PTPRD: variants seen among roughly 807,000 people sequenced by gnomAD.
PTPRD encodes protein tyrosine phosphatase receptor type D.
A neutral mutation model predicts 214.5 loss-of-function variants in PTPRD; 34 were observed. The ratio of observed to expected loss-of-function variants is 0.16; its 90% CI spans 0.12 to 0.21. The LOEUF (loss-of-function observed/expected upper bound fraction) is 0.21, where lower values mean the gene tolerates loss of function less well. Ranked by LOEUF, PTPRD falls within the 10% of genes least tolerant of loss-of-function variation. The probability of loss-of-function intolerance (pLI) is 1.00; values close to 1 mark genes in which losing one functional copy is unlikely to be tolerated. For missense variants in PTPRD, 2,545 were observed against 2,398.7 expected (o/e 1.06, Z -1.27); for synonymous variants, 1,128 against 845.7 (o/e 1.33, Z -5.79).
At chr9:8,944,337 G>C (rs1157319023) in intron 11 of PTPRD, among the ~76,000 whole-genome samples, 1 of 152,092 alleles carries the variant, frequency 6.6e-6, no homozygotes, top group African/African-American at 2.4e-5. Flanking sequence ...AGGGACAACA[G>C]TATGGAGATT....
intron 3 of PTPRD, among the ~76,000 whole-genome samples, chr9:10,281,598 A>T (rs971529778): frequency 6.6e-6 from 1 of 152,180 alleles, no homozygotes; most frequent in African/African-American, 2.4e-5. Context: ...TGTAATCCCA[A>T]TTGAATTTTA....
intron 3 of PTPRD, among the ~76,000 whole-genome samples, chr9:10,141,840 G>A (rs1352266128): frequency 6.6e-6 from 1 of 152,072 alleles, no homozygotes; most frequent in Non-Finnish European, 1.5e-5. Context: ...CACACTACCT[G>A]ACTTCAAACT....
chr9:9,482,962 T>C (rs2095481627), intron 8 of PTPRD, among the ~76,000 whole-genome samples: 1 of 152,172 alleles, frequency 6.6e-6, no homozygotes, highest in Non-Finnish European at 1.5e-5. Context: ...GCCAGTAAAA[T>C]TATTGGCAAA....
intron 4 of PTPRD, among the ~76,000 whole-genome samples, chr9:9,972,386 G>T (rs1197537727): frequency 6.6e-6 from 1 of 152,060 alleles, no homozygotes; most frequent in African/African-American, 2.4e-5. Flanking sequence ...TTCTGTTTCG[G>T]TAACTGTCAT....
At chr9:8,448,088 G>A (rs976525567) in intron 34 of PTPRD, among the ~76,000 whole-genome samples, 4 of 152,076 alleles carry the variant, frequency 2.6e-5, no homozygotes, top group South Asian at 2.1e-4. Flanking sequence ...CCTTTGGGAG[G>A]CTGAGGCAGG....
At chr9:9,113,246 A>G (rs923215351) in intron 10 of PTPRD, among the ~76,000 whole-genome samples, 1 of 152,084 alleles carries the variant, frequency 6.6e-6, no homozygotes, top group African/African-American at 2.4e-5. Flanking sequence ...AGGTGCTACA[A>G]TTACAAGTGT....
At chr9:8,731,834 T>C (rs1598250822) in intron 12 of PTPRD, among the ~76,000 whole-genome samples, 1 of 152,332 alleles carries the variant, frequency 6.6e-6, no homozygotes, top group Non-Finnish European at 1.5e-5. Flanking sequence ...AAGGAAAATA[T>C]ACTACATGGA....
intron 12 of PTPRD, among the ~76,000 whole-genome samples, chr9:8,699,203 A>C (rs1725776854): frequency 6.6e-6 from 1 of 152,182 alleles, no homozygotes; most frequent in South Asian, 2.1e-4. Flanking sequence ...TCTTTATGAA[A>C]TCTATCAGTT....
intron 14 of PTPRD, among the ~76,000 whole-genome samples, chr9:8,564,471 G>A (rs762546822): frequency 6.6e-6 from 1 of 152,078 alleles, no homozygotes; most frequent in South Asian, 2.1e-4. Flanking sequence ...AGCTGGAGGC[G>A]GGCGGATCAC....
chr9:9,913,432 GA>G (rs2079788438), intron 5 of PTPRD, among the ~76,000 whole-genome samples: 1 of 152,142 alleles, frequency 6.6e-6, no homozygotes, highest in Non-Finnish European at 1.5e-5. Context: ...ATCTCATCAA[GA>G]TGGCTGACTA....
At chr9:9,056,534 T>C (rs376511649) in intron 10 of PTPRD, among the ~76,000 whole-genome samples, 5 of 152,218 alleles carry the variant, frequency 3.3e-5, no homozygotes, top group African/African-American at 1.2e-4. Flanking sequence ...CAGTTTCTTC[T>C]TAATGTGGAT....
intron 6 of PTPRD, 149 bp downstream of exon 6, chr9:9,766,661 T>G (rs2098709250): frequency 6.6e-6 from 1 of 152,188 alleles, no homozygotes; most frequent in African/African-American, 2.4e-5. Flanking sequence ...CTAATTCTGA[T>G]GTTTTCTCAC....
In PTPRD at chr9:10,414,277, A is replaced by G. The variant is rs571968826; in HGVS notation, c.-599-73260T>C. 4.0e-4 allele frequency among the ~76,000 whole-genome samples: 61 copies of G among 151,992 alleles called. 1 individual carries two copies. Among genetic ancestry groups the G allele is most frequent in the African/African-American group, 1.5e-3 (61 of 41,544 alleles). ...AAATTAAAAAACCATTAAAAAGTAG[A>G]CAAATTACCTGAACACTTTTCAAAA... On this transcript the variant is annotated intron_variant, in intron 2 of 45. Coordinates refer to ENST00000381196, the MANE Select transcript of PTPRD (RefSeq NM_002839.4).
intron 9 of PTPRD, among the ~76,000 whole-genome samples, chr9:9,272,251 C>T (rs373914419): frequency 4.4e-4 from 67 of 151,134 alleles, no homozygotes; most frequent in African/African-American, 1.5e-3. Context: ...TTTTTAAAGG[C>T]AGTCACTGAG....
intron 11 of PTPRD, among the ~76,000 whole-genome samples, chr9:9,008,367 A>G (rs138724583): frequency 0.024 from 3,642 of 151,874 alleles, 49 homozygotes; most frequent in African/African-American, 0.041. Flanking sequence ...AGCTGGGACT[A>G]CAGGCTCCCG....
intron 4 of PTPRD, among the ~76,000 whole-genome samples, chr9:9,969,159 A>G (rs2094919937): frequency 6.6e-6 from 1 of 152,210 alleles, no homozygotes; most frequent in African/African-American, 2.4e-5. Flanking sequence ...GTTACATAGA[A>G]ATTAGGTGAA....
At position 10,135,697 on chromosome 9, in the gene PTPRD, C is replaced by G. The variant is rs558434290; in HGVS notation, c.-544-101907G>C. On this transcript the variant is annotated intron_variant, in intron 3 of 45. Coordinates refer to ENST00000381196, the MANE Select transcript of PTPRD (RefSeq NM_002839.4). ...CAAACAACACATAAATTTGTTACCA[C>G]TAGACTAGTATTACAAGAGGTCCTT... Among the ~76,000 whole-genome samples, 117 of 152,112 alleles carry G rather than the reference C, an allele frequency of 7.7e-4. 1 individual carries two copies. The highest frequency in any genetic ancestry group is 2.5e-3 in the African/African-American group (104 of 41,498).
intron 7 of PTPRD, among the ~76,000 whole-genome samples, chr9:9,596,098 T>C (rs1177546899): frequency 6.6e-6 from 1 of 152,024 alleles, no homozygotes; most frequent in Non-Finnish European, 1.5e-5. Flanking sequence ...ATAACCATAG[T>C]ACCCATATGT....
At chr9:9,020,319 C>A (rs76185929) in intron 10 of PTPRD, among the ~76,000 whole-genome samples, 105 of 152,130 alleles carry the variant, frequency 6.9e-4, no homozygotes, top group African/African-American at 2.4e-3. Flanking sequence ...GGTACTCTTG[C>A]GATTTTTGTT....
Sources: gnomAD v4.1 joint callset for allele counts (sites outside exome capture counted in the v4.1 genomes callset) on GRCh38, gnomAD v4.1.1 for gene constraint, MANE v1.5 for transcripts, NCBI Gene and HGNC (gene_info 2026-07-23, HGNC 2026-07-21) for gene names.